COL6A5: variants seen among roughly 807,000 people sequenced by gnomAD.
COL6A5 encodes the protein collagen type VI alpha 5 chain, also known as collagen alpha-5(VI) chain.
Under a neutral mutation model 65.6 loss-of-function variants are expected in COL6A5, and 48 were observed. The observed-to-expected ratio is 0.73, with a 90% CI of 0.58 to 0.93. The LOEUF is 0.93. Ranked by LOEUF, COL6A5 falls within the 40% of genes least tolerant of loss-of-function variation. The pLI is 0.00. For missense variants in COL6A5, 914 were observed against 928.3 expected (o/e 0.98, Z 0.20); for synonymous variants, 291 against 322.8 (o/e 0.90, Z 1.05).
chr3:130,394,306 C>T (rs1936510994), intron 7 of COL6A5, among the ~76,000 whole-genome samples: 1 of 152,142 alleles, frequency 6.6e-6, no homozygotes, highest in Non-Finnish European at 1.5e-5. Flanking sequence ...GATACCAGCT[C>T]CACTCCATAG....
At chr3:130,433,454 T>G (rs74584696) in intron 1 of COL6A5, among the ~76,000 whole-genome samples, 3,944 of 152,324 alleles carry the variant, frequency 0.026, 167 homozygotes, top group African/African-American at 0.091. Flanking sequence ...GGAAGCTATC[T>G]GGTTCTCATC....
chr3:130,400,882 C>A, intron 10 of COL6A5, 149 bp from the exon 11 acceptor site: 1 of 572,742 alleles, frequency 1.7e-6, no homozygotes, highest in Non-Finnish European at 2.8e-6. Flanking sequence ...TTAGTTTCTT[C>A]ATATGTCAGG....
At chr3:130,376,571 T>A in exon 3 of COL6A5, 1 of 1,605,730 alleles carries the variant, frequency 6.2e-7, no homozygotes. Flanking sequence ...GGAAACAGTT[T>A]CCCCCAATTT....
chr3:130,422,632 C>A, intron 27 of COL6A5, 88 bp from the exon 28 acceptor site: 2 of 783,394 alleles, frequency 2.6e-6, no homozygotes, highest in East Asian at 2.8e-5. Flanking sequence ...GTCATAATAT[C>A]AATCAAGTTT....
At chr3:130,464,115 AT>A (rs1415786707) in intron 5 of COL6A5, among the ~76,000 whole-genome samples, 1 of 152,006 alleles carries the variant, frequency 6.6e-6, no homozygotes, top group Non-Finnish European at 1.5e-5. Context: ...CTACTAGAAC[AT>A]TTATGAAATT....
chr3:130,378,709 C>T (rs965829069), intron 3 of COL6A5, among the ~76,000 whole-genome samples: 1 of 152,104 alleles, frequency 6.6e-6, no homozygotes, highest in East Asian at 1.9e-4. Flanking sequence ...ATTCCTCTTC[C>T]TTCAGAACTC....
At chr3:130,387,223 G>T (rs1936223188) in intron 5 of COL6A5, among the ~76,000 whole-genome samples, 1 of 152,070 alleles carries the variant, frequency 6.6e-6, no homozygotes, top group Non-Finnish European at 1.5e-5. Context: ...CATACCTTTT[G>T]GTTAAAACTT....
At chr3:130,413,401 T>G (rs1937237659) in intron 20 of COL6A5, 144 bp from the exon 21 acceptor site, 2 of 718,740 alleles carry the variant, frequency 2.8e-6, no homozygotes, top group Non-Finnish European at 4.8e-6. Flanking sequence ...TGTGAAAGCT[T>G]GTCTATGGAA....
chr3:130,369,290 T>C (rs1204327332), intron 1 of COL6A5, among the ~76,000 whole-genome samples: 1 of 152,238 alleles, frequency 6.6e-6, no homozygotes, highest in East Asian at 1.9e-4. Flanking sequence ...CCATTACTTT[T>C]AATGGCAAAA....
chr3:130,376,420 T>A (rs1935773278), exon 3 of COL6A5: 4 of 1,613,352 alleles, frequency 2.5e-6, no homozygotes, highest in Non-Finnish European at 3.4e-6. Context: ...GAATTCCATC[T>A]GAGCACCTTC....
chr3:130,426,845 A>G (rs1020221462), upstream of COL6A5, among the ~76,000 whole-genome samples: 1 of 152,028 alleles, frequency 6.6e-6, no homozygotes, highest in Non-Finnish European at 1.5e-5. Context: ...GGCAAAAAAT[A>G]GTTTCAGAAA....
chr3:130,460,959 G>A (rs1017301454), intron 5 of COL6A5, among the ~76,000 whole-genome samples: 17 of 151,874 alleles, frequency 1.1e-4, no homozygotes, highest in African/African-American at 3.4e-4. Flanking sequence ...TAGTGGTGAC[G>A]GCAAGTTGGT....
At chr3:130,425,115 C>G (rs1474082911) in intron 29 of COL6A5, among the ~76,000 whole-genome samples, 1 of 152,094 alleles carries the variant, frequency 6.6e-6, no homozygotes, top group African/African-American at 2.4e-5. Context: ...CTGTTATCTG[C>G]CATAACTTGT....
At chr3:130,446,832 C>CTTGTT (rs1709316786) in intron 4 of COL6A5, among the ~76,000 whole-genome samples, 1 of 152,080 alleles carries the variant, frequency 6.6e-6, no homozygotes, top group African/African-American at 2.4e-5. Flanking sequence ...ATAACACTGG[C>CTTGTT]TTGTCTTCGT....
chr3:130,356,170 T>C (rs1934919861), intron 1 of COL6A5, among the ~76,000 whole-genome samples: 1 of 152,076 alleles, frequency 6.6e-6, no homozygotes, highest in African/African-American at 2.4e-5. Context: ...CAAGCGATAA[T>C]CAAAAGTCAG....
intron 20 of COL6A5, among the ~76,000 whole-genome samples, chr3:130,410,901 T>C (rs1202702562): frequency 2.0e-5 from 3 of 152,200 alleles, no homozygotes; most frequent in Non-Finnish European, 4.4e-5. Flanking sequence ...GCCTTTCCCT[T>C]TCCACCTTCC....
intron 11 of COL6A5, 79 bp from the exon 12 acceptor site, chr3:130,401,677 GGATTAT>G: frequency 1.0e-6 from 1 of 1,002,786 alleles, no homozygotes; most frequent in Non-Finnish European, 1.5e-6. Flanking sequence ...TGTAGATGGT[GGATTAT>G]GATTTGTATG....
At chr3:130,481,989 G>A (rs751065535) in intron 7 of COL6A5, among the ~76,000 whole-genome samples, 2 of 152,150 alleles carry the variant, frequency 1.3e-5, no homozygotes, top group African/African-American at 2.4e-5. Context: ...CTCCCATTCT[G>A]TAGGTTGCCT....
chr3:130,473,166 TC>T (rs1710003032), intron 7 of COL6A5, among the ~76,000 whole-genome samples: 1 of 152,030 alleles, frequency 6.6e-6, no homozygotes, highest in Admixed American at 6.6e-5. Context: ...ATGTCACTTA[TC>T]TTTTCCACTG....
Sources: allele counts gnomAD v4.1 joint callset (sites outside exome capture counted in the v4.1 genomes callset), GRCh38; gene constraint gnomAD v4.1.1; transcripts MANE v1.5; gene names NCBI Gene and HGNC (gene_info 2026-07-23, HGNC 2026-07-21).